TEX101: variants seen among roughly 807,000 people sequenced by gnomAD.
TEX101 encodes the protein testis expressed 101, also known as testis-expressed protein 101.
In TEX101, 10 loss-of-function variants were observed where a neutral mutation model predicts 18.1. That is an observed-to-expected ratio of 0.55 (90% CI 0.34 to 0.94). TEX101 has a LOEUF of 0.94. Ranked by LOEUF, TEX101 falls within the 40% of genes least tolerant of loss-of-function variation. The pLI is 0.02. For synonymous variants in TEX101, 94 were observed against 114.8 expected, an observed-to-expected ratio of 0.82 and a Z score of 1.16; for missense variants, 259 against 298.9, an observed-to-expected ratio of 0.87 and a Z score of 0.98.
chr19:43,406,377 A>C, exon 3 of TEX101: 1 of 684,010 alleles, frequency 1.5e-6, no homozygotes, highest in South Asian at 1.6e-5. Context: ...ATCCAGCGAC[A>C]CCACAGCCAA....
At chr19:43,417,030 CAAAAA>C (rs746528568) in intron 4 of TEX101, among the ~76,000 whole-genome samples, 5 of 70,522 alleles carry the variant, frequency 7.1e-5, no homozygotes, top group Admixed American at 1.6e-4. Flanking sequence ...AAGACTCCAT[CAAAAA>C]AAAAAAAAAA....
At chr19:43,408,735 T>C (rs1242166007) in intron 3 of TEX101, among the ~76,000 whole-genome samples, 2 of 152,064 alleles carry the variant, frequency 1.3e-5, no homozygotes, top group Non-Finnish European at 2.9e-5. Context: ...GGCTGCACTA[T>C]CAGAGAAAGA....
intron 2 of TEX101, among the ~76,000 whole-genome samples, chr19:43,405,238 C>G (rs145408833): frequency 6.6e-6 from 1 of 152,066 alleles, no homozygotes; most frequent in Non-Finnish European, 1.5e-5. Flanking sequence ...GAATTTCTAG[C>G]CTATTTCCCA....
At chr19:43,405,021 A>G (rs955978961) in intron 2 of TEX101, among the ~76,000 whole-genome samples, 1 of 152,186 alleles carries the variant, frequency 6.6e-6, no homozygotes, top group African/African-American at 2.4e-5. Flanking sequence ...TTAAAATGTA[A>G]ATGTACTTGG....
intron 3 of TEX101, among the ~76,000 whole-genome samples, chr19:43,408,898 C>G (rs1177032342): frequency 6.6e-6 from 1 of 152,158 alleles, no homozygotes; most frequent in Non-Finnish European, 1.5e-5. Flanking sequence ...TGATCCCACC[C>G]CTGGACACCT....
upstream of TEX101, among the ~76,000 whole-genome samples, chr19:43,398,637 C>T (rs1036458078): frequency 1.3e-5 from 2 of 152,172 alleles, no homozygotes; most frequent in African/African-American, 2.4e-5. Flanking sequence ...CATTCTACAA[C>T]AGTCCCCCTC....
intron 2 of TEX101, among the ~76,000 whole-genome samples, chr19:43,405,365 T>C (rs1471737743): frequency 6.6e-6 from 1 of 151,720 alleles, no homozygotes; most frequent in African/African-American, 2.4e-5. Flanking sequence ...GGTCAGGAGT[T>C]GTCTACCAGC....
chr19:43,394,919 G>A, the TEX101 span, among the ~76,000 whole-genome samples: 12 of 152,240 alleles, frequency 7.9e-5, no homozygotes, highest in Non-Finnish European at 1.8e-4. Context: ...ACCCACTTAG[G>A]TTCAGTATCT....
the TEX101 span, among the ~76,000 whole-genome samples, chr19:43,393,095 G>GA: frequency 6.7e-6 from 1 of 150,264 alleles, no homozygotes; most frequent in Non-Finnish European, 1.5e-5. Flanking sequence ...AAGGAAGGAA[G>GA]GAAGGAAGGA....
At chr19:43,404,144 G>C (rs1218946874) in intron 2 of TEX101, among the ~76,000 whole-genome samples, 3 of 130,044 alleles carry the variant, frequency 2.3e-5, no homozygotes, top group Non-Finnish European at 4.7e-5. Flanking sequence ...AAGCCTTTTT[G>C]TGTGTGCTGG....
chr19:43,415,836 A>C, intron 1 of TEX101, 45 bp from the exon 2 acceptor site: 1 of 1,552,708 alleles, frequency 6.4e-7, no homozygotes, highest in Non-Finnish European at 8.9e-7. Context: ...GATCTCATGC[A>C]CTCTGGCTGA....
intron 2 of TEX101, among the ~76,000 whole-genome samples, chr19:43,405,700 G>A (rs1970355059): frequency 6.6e-6 from 1 of 151,860 alleles, no homozygotes; most frequent in Non-Finnish European, 1.5e-5. Context: ...CAAGGCAGGT[G>A]GATCACTGGA....
chr19:43,418,363 C>T lies in TEX101; in HGVS notation c.716C>T (p.Pro239Leu), dbSNP rs1970506214. The change falls in exon 6 of 6, where the codon CCA becomes CTA. Residue 239 changes from proline (P) to leucine (L), a missense_variant. Coordinates refer to ENST00000598265, the MANE Select transcript of TEX101 (RefSeq NM_001130011.3). ...IPVWGLQLLL[P>L]LLLPSFIHFS ...GTTTGGGGGTTACAGCTACTGCTGC[C>T]ATTGCTGCTGCCATCATTTATTCAC... is the stretch of plus-strand genomic sequence containing the variant. 1.2e-6 allele frequency: 2 copies of T among 1,613,980 alleles called. No homozygotes were observed. Among genetic ancestry groups the T allele is most frequent in the East Asian group, 2.2e-5 (1 of 44,868 alleles).
chr19:43,410,829 C>T (rs1212703007), upstream of TEX101, among the ~76,000 whole-genome samples: 3 of 151,718 alleles, frequency 2.0e-5, no homozygotes, highest in East Asian at 5.8e-4. Context: ...CACAGTCACA[C>T]ATGAACACAC....
chr19:43,398,495 C>T (rs1970293121), upstream of TEX101, among the ~76,000 whole-genome samples: 2 of 151,886 alleles, frequency 1.3e-5, no homozygotes, highest in African/African-American at 4.8e-5. Context: ...AGGATGGTCT[C>T]GATCTCTCGA....
upstream of TEX101, among the ~76,000 whole-genome samples, chr19:43,410,783 TATAC>T (rs1389732873): frequency 1.3e-5 from 2 of 149,704 alleles, no homozygotes; most frequent in Non-Finnish European, 3.0e-5. Context: ...GACATACATA[TATAC>T]AGACATGTGC....
upstream of TEX101, among the ~76,000 whole-genome samples, chr19:43,414,610 G>T (rs1347271717): frequency 1.3e-5 from 2 of 152,168 alleles, no homozygotes; most frequent in Non-Finnish European, 2.9e-5. Flanking sequence ...ACAACAGAGT[G>T]CAAAAAGAGA....
chr19:43,393,273 G>T, the TEX101 span, among the ~76,000 whole-genome samples: 1 of 152,166 alleles, frequency 6.6e-6, no homozygotes, highest in African/African-American at 2.4e-5. Context: ...GAGGCAGACA[G>T]ACAAGAGCAG....
At chr19:43,405,447 A>ACAT (rs1345527231) in intron 2 of TEX101, among the ~76,000 whole-genome samples, 1 of 150,474 alleles carries the variant, frequency 6.6e-6, no homozygotes, top group Non-Finnish European at 1.5e-5. Flanking sequence ...GCGAGGTGGC[A>ACAT]CATCTCTGTA....
Sources: gnomAD v4.1 joint callset for allele counts (sites outside exome capture counted in the v4.1 genomes callset) on GRCh38, gnomAD v4.1.1 for gene constraint, MANE v1.5 for transcripts, NCBI Gene and HGNC (gene_info 2026-07-23, HGNC 2026-07-21) for gene names.